Variants in KMT2C observed in about 807,000 individuals in gnomAD.
The protein encoded by KMT2C is histone-lysine N-methyltransferase 2C.
Under a neutral mutation model 507.9 loss-of-function variants are expected in KMT2C, and 88 were observed. That is an observed-to-expected ratio of 0.17 (90% CI 0.15 to 0.21). The LOEUF (loss-of-function observed/expected upper bound fraction) is 0.21, where lower values mean the gene tolerates loss of function less well. Among genes scored for constraint, KMT2C ranks in the 10% least tolerant of loss-of-function variants. The probability of loss-of-function intolerance (pLI) is 1.00; values close to 1 mark genes in which losing one functional copy is unlikely to be tolerated. For synonymous variants in KMT2C, 2,049 were observed against 2,080.8 expected (o/e 0.98, Z 0.42); for missense variants, 4,954 against 5,957.8 (o/e 0.83, Z 5.55).
intron 31 of KMT2C, 27 bp from the exon 32 acceptor site, chr7:152,187,874 G>T: frequency 1.2e-6 from 2 of 1,611,678 alleles, no homozygotes; most frequent in Non-Finnish European, 1.7e-6. Flanking sequence ...AATTCCGTTG[G>T]CATGATATTC....
chr7:152,303,486 G>GTA (rs1401165091), intron 6 of KMT2C, among the ~76,000 whole-genome samples: 1 of 152,148 alleles, frequency 6.6e-6, no homozygotes, highest in Non-Finnish European at 1.5e-5. Context: ...ATTAATGCAT[G>GTA]TATTTATCCC....
At chr7:152,230,599 A>T (rs530550577) in intron 16 of KMT2C, among the ~76,000 whole-genome samples, 1 of 152,242 alleles carries the variant, frequency 6.6e-6, no homozygotes, top group Non-Finnish European at 1.5e-5. Flanking sequence ...GCAGAATTCT[A>T]ATCAGGAAAC....
intron 8 of KMT2C, among the ~76,000 whole-genome samples, chr7:152,263,456 T>TA (rs1471086012): frequency 6.6e-6 from 1 of 152,130 alleles, no homozygotes; most frequent in East Asian, 1.9e-4. Flanking sequence ...AACTGATAGG[T>TA]GCTACTGTGT....
Position 152,155,892 on chromosome 7 carries a change from G to GA in KMT2C, c.11960+17dup, listed in dbSNP as rs2129099594. 6.4e-7 allele frequency: 1 copy of GA among 1,573,998 alleles called. No homozygotes were observed. The highest frequency in any genetic ancestry group is 8.6e-7 in the Non-Finnish European group (1 of 1,169,494). On this transcript the variant is annotated intron_variant, in intron 46 of 58. Coordinates refer to ENST00000262189, the MANE Select transcript of KMT2C (RefSeq NM_170606.3). ...GAAGAAATAACTAAGAATTATTTGA[G>GA]AAAAAAATAACCTGTACCTTAATTC...
chr7:152,412,744 T>A (rs1656484839), intron 1 of KMT2C, among the ~76,000 whole-genome samples: 1 of 152,120 alleles, frequency 6.6e-6, no homozygotes, highest in South Asian at 2.1e-4. Flanking sequence ...AATAAATGAT[T>A]TAAACACTTT....
chr7:152,155,190 C>G (rs1467616636), intron 46 of KMT2C, among the ~76,000 whole-genome samples: 1 of 152,150 alleles, frequency 6.6e-6, no homozygotes, highest in Non-Finnish European at 1.5e-5. Flanking sequence ...TACTGAGGTA[C>G]AGTAGAAAGA....
chr7:152,223,311 T>A (rs2094830737), intron 20 of KMT2C, among the ~76,000 whole-genome samples: 1 of 152,148 alleles, frequency 6.6e-6, no homozygotes, highest in African/African-American at 2.4e-5. Flanking sequence ...AGGTGCTATC[T>A]AATATCTAGA....
chr7:152,379,168 T>A (rs922944420), intron 1 of KMT2C, among the ~76,000 whole-genome samples: 4 of 152,298 alleles, frequency 2.6e-5, no homozygotes, highest in East Asian at 1.9e-4. Flanking sequence ...ATTATTTTTT[T>A]AAAAAGCAAA....
chr7:152,320,940 T>G (rs2096767749), intron 3 of KMT2C, among the ~76,000 whole-genome samples: 1 of 151,894 alleles, frequency 6.6e-6, no homozygotes, highest in South Asian at 2.1e-4. Context: ...AATGGATAAC[T>G]TAAAATCTTC....
chr7:152,152,680 G>A (rs2091730129), intron 49 of KMT2C, 25 bp downstream of exon 49: 3 of 1,610,716 alleles, frequency 1.9e-6, no homozygotes, highest in African/African-American at 2.7e-5. Flanking sequence ...TGGATTTGGG[G>A]TTAACAAAAA....
intron 24 of KMT2C, 127 bp downstream of exon 24, chr7:152,207,173 G>A (rs1346373378): frequency 2.2e-6 from 2 of 908,090 alleles, no homozygotes; most frequent in Non-Finnish European, 3.2e-6. Context: ...TAATTTATGT[G>A]CACATATTTT....
At chr7:152,343,450 G>GGAAA (rs570359604) in intron 2 of KMT2C, among the ~76,000 whole-genome samples, 4 of 72,462 alleles carry the variant, frequency 5.5e-5, no homozygotes, top group African/African-American at 1.8e-4. Flanking sequence ...AAAAGACTGG[G>GGAAA]AAAAAAAAAA....
At chr7:152,288,738 T>C (rs1451063626) in intron 6 of KMT2C, among the ~76,000 whole-genome samples, 1 of 151,936 alleles carries the variant, frequency 6.6e-6, no homozygotes, top group Non-Finnish European at 1.5e-5. Context: ...CTAATATATA[T>C]CATAAACTTC....
intron 7 of KMT2C, among the ~76,000 whole-genome samples, chr7:152,268,724 T>C (rs2095904536): frequency 6.6e-6 from 1 of 152,164 alleles, no homozygotes; most frequent in South Asian, 2.1e-4. Context: ...CTTTTAAAAA[T>C]TGGGGGAAAT....
At chr7:152,429,274 A>G (rs2097847162) in intron 1 of KMT2C, among the ~76,000 whole-genome samples, 1 of 152,216 alleles carries the variant, frequency 6.6e-6, no homozygotes. Flanking sequence ...ACATAGAAGT[A>G]TAGAAAACTT....
At chr7:152,221,944 A>G in intron 22 of KMT2C, 57 bp downstream of exon 22, 1 of 1,317,982 alleles carries the variant, frequency 7.6e-7, no homozygotes, top group East Asian at 2.4e-5. Context: ...TAAGCCAATT[A>G]TGTAAAAATT....
intron 2 of KMT2C, among the ~76,000 whole-genome samples, chr7:152,337,856 A>ATT (rs550943327): frequency 9.2e-5 from 13 of 140,708 alleles, no homozygotes; most frequent in African/African-American, 2.6e-4. Context: ...ATACAACTTG[A>ATT]TTTTTTTTTT....
At chr7:152,273,199 A>AT (rs2096010056) in intron 7 of KMT2C, among the ~76,000 whole-genome samples, 1 of 152,190 alleles carries the variant, frequency 6.6e-6, no homozygotes, top group African/African-American at 2.4e-5. Context: ...GAAGACTAAG[A>AT]TAGATGAATC....
intron 1 of KMT2C, among the ~76,000 whole-genome samples, chr7:152,417,293 A>G (rs2097749082): frequency 6.6e-6 from 1 of 151,828 alleles, no homozygotes; most frequent in Non-Finnish European, 1.5e-5. Context: ...TAATTTTTGT[A>G]TTTTTACTAG....
Sources: gnomAD v4.1 joint callset for allele counts (sites outside exome capture counted in the v4.1 genomes callset) on GRCh38, gnomAD v4.1.1 for gene constraint, MANE v1.5 for transcripts, NCBI Gene and HGNC (gene_info 2026-07-23, HGNC 2026-07-21) for gene names.